The following DAPK1 variants were observed in gnomAD, a reference collection of about 807,000 sequenced individuals.
DAPK1 encodes the protein death-associated protein kinase 1.
A neutral mutation model predicts 144.9 loss-of-function variants in DAPK1; 56 were observed. The ratio of observed to expected loss-of-function variants is 0.39; its 90% CI spans 0.31 to 0.48. The LOEUF (loss-of-function observed/expected upper bound fraction) is 0.48, where lower values mean the gene tolerates loss of function less well. Ranked by LOEUF, DAPK1 falls within the 20% of genes least tolerant of loss-of-function variation. DAPK1 has a pLI of 0.95. For synonymous variants in DAPK1, 690 were observed against 749.0 expected (o/e 0.92, Z 1.29); for missense variants, 1,454 against 1,875.4 (o/e 0.78, Z 4.15).
chr9:87,639,839 A>G lies in DAPK1; in HGVS notation c.629+24A>G, dbSNP rs1395498223. ...CTGTAAGTATCAGAATTCACAACTC[A>G]TACTCTCTTCTCTTCTATGAGACCA... On this transcript the variant is annotated intron_variant, in intron 7 of 25. Transcript: ENST00000408954. The G allele has an allele frequency of 1.9e-6, 3 of 1,611,942 alleles. No individual in the cohort carries two copies. The Admixed American group carries it at 5.0e-5, about 27-fold the overall frequency.
rs756335066 is a variant in DAPK1, at chr9:87,706,106, C to T, written c.3061-26C>T. On this transcript the variant is annotated intron_variant, in intron 25 of 25. Coordinates refer to ENST00000408954, the MANE Select transcript of DAPK1 (RefSeq NM_004938.4). This position sits in a 1 kb window ranked among gnomAD's most constrained non-coding sequence, Gnocchi z 9.0. ...ACCTGGCCAGGGCTCTGTCCCTAAG[C>T]GTGACTTTCTGTTGTCCCCCCGCAG... is the stretch of plus-strand genomic sequence containing the variant. The T allele has an allele frequency of 1.5e-5, 24 of 1,554,144 alleles. No individual in the cohort carries two copies. The highest frequency in any genetic ancestry group is 7.2e-5 in the South Asian group (6 of 82,838).
At chr9:87,682,839 A>G (rs1439522662) in intron 20 of DAPK1, among the ~76,000 whole-genome samples, 1 of 152,140 alleles carries the variant, frequency 6.6e-6, no homozygotes, top group Non-Finnish European at 1.5e-5. Context: ...TCTGAGGCGC[A>G]CAGGTGGCAA....
rs1177014350 is a variant in DAPK1, at chr9:87,708,111, G to A, written c.*747G>A. 1 of 282,392 alleles carries A rather than the reference G, an allele frequency of 3.5e-6. No homozygotes were observed. The highest frequency in any genetic ancestry group is 9.3e-5 in the East Asian group (1 of 10,710). 17.5% of individuals were successfully genotyped at this position (282,392 alleles called of 1,614,324 possible). ...CCTCCAGGGTGATTTTATGATCAGT[G>A]TTGTTGCTCTAGGAAGACATTTTTC... On this transcript the variant is annotated 3_prime_UTR_variant, in exon 26 of 26. Coordinates refer to ENST00000408954, the MANE Select transcript of DAPK1 (RefSeq NM_004938.4).
At chr9:87,578,930 C>T (rs1587735731) in intron 2 of DAPK1, among the ~76,000 whole-genome samples, 1 of 152,282 alleles carries the variant, frequency 6.6e-6, no homozygotes, top group African/African-American at 2.4e-5. Flanking sequence ...TGTATCTGGG[C>T]TTCATCTCTA....
intron 3 of DAPK1, among the ~76,000 whole-genome samples, chr9:87,617,262 T>G (rs1167657814): frequency 6.6e-6 from 1 of 152,210 alleles, no homozygotes; most frequent in Admixed American, 6.5e-5. Flanking sequence ...TTTCCTATTT[T>G]CCACTTCCTT....
chr9:87,702,288 T>C (rs1484783511), intron 24 of DAPK1, among the ~76,000 whole-genome samples: 2 of 152,152 alleles, frequency 1.3e-5, no homozygotes, highest in Admixed American at 1.3e-4. Context: ...GGTATGTGGA[T>C]TACGTGAGTC....
intron 2 of DAPK1, among the ~76,000 whole-genome samples, chr9:87,579,470 G>C (rs1242315895): frequency 6.6e-6 from 1 of 152,154 alleles, no homozygotes; most frequent in Non-Finnish European, 1.5e-5. Flanking sequence ...TCCAGAAGAA[G>C]CTCTGTGCCG....
intron 3 of DAPK1, among the ~76,000 whole-genome samples, chr9:87,630,630 A>G (rs1490562707): frequency 6.6e-6 from 1 of 152,216 alleles, no homozygotes; most frequent in Non-Finnish European, 1.5e-5. Context: ...TTTACTGGCT[A>G]GAAGTAGTCC....
chr9:87,634,899 G>T (rs1304961956), intron 3 of DAPK1, among the ~76,000 whole-genome samples: 2 of 152,164 alleles, frequency 1.3e-5, no homozygotes, highest in Non-Finnish European at 2.9e-5. Flanking sequence ...GCTGCCATGG[G>T]AGGACTTCTG....
At chr9:87,529,983 C>T (rs192921968) in intron 2 of DAPK1, among the ~76,000 whole-genome samples, 2 of 152,266 alleles carry the variant, frequency 1.3e-5, no homozygotes, top group East Asian at 1.9e-4. Flanking sequence ...TTCTCAGAAC[C>T]CCTGCTTCCT....
intron 2 of DAPK1, among the ~76,000 whole-genome samples, chr9:87,502,419 T>C (rs1824436863): frequency 6.6e-6 from 1 of 152,168 alleles, no homozygotes; most frequent in South Asian, 2.1e-4. Context: ...GGAGTTCTTA[T>C]AAATCTGCTA....
intron 2 of DAPK1, among the ~76,000 whole-genome samples, chr9:87,579,773 A>G (rs1378119659): frequency 6.6e-6 from 1 of 152,120 alleles, no homozygotes; most frequent in African/African-American, 2.4e-5. Flanking sequence ...TTTTATTCCA[A>G]AGGTTCCTGA....
chr9:87,622,946 T>G (rs1829355052), intron 3 of DAPK1, among the ~76,000 whole-genome samples: 1 of 152,042 alleles, frequency 6.6e-6, no homozygotes, highest in Non-Finnish European at 1.5e-5. Flanking sequence ...TTTTTAAAAA[T>G]TCCATGTCAA....
intron 3 of DAPK1, among the ~76,000 whole-genome samples, chr9:87,637,729 G>T (rs1397484697): frequency 4.6e-5 from 7 of 152,134 alleles, no homozygotes; most frequent in Non-Finnish European, 1.0e-4. Context: ...CGGAACCTTA[G>T]GAAAATGGTT....
intron 2 of DAPK1, among the ~76,000 whole-genome samples, chr9:87,540,092 T>G (rs1563982456): frequency 6.6e-6 from 1 of 151,292 alleles, no homozygotes; most frequent in African/African-American, 2.4e-5. Context: ...GAAGATATTT[T>G]GAGAGAGAGA....
chr9:87,693,874 A>G (rs1289463526), intron 21 of DAPK1, among the ~76,000 whole-genome samples: 2 of 151,904 alleles, frequency 1.3e-5, no homozygotes, highest in African/African-American at 4.8e-5. Flanking sequence ...GGCTTAGGGT[A>G]TGGTTGTTAG....
At chr9:87,567,747 G>A (rs541568989) in intron 2 of DAPK1, among the ~76,000 whole-genome samples, 3 of 152,144 alleles carry the variant, frequency 2.0e-5, no homozygotes, top group Admixed American at 1.3e-4. Context: ...GATTGCCTCC[G>A]AATGAGTCTG....
At chr9:87,646,976 G>C (rs1282369551) in intron 13 of DAPK1, among the ~76,000 whole-genome samples, 1 of 152,238 alleles carries the variant, frequency 6.6e-6, no homozygotes, top group Non-Finnish European at 1.5e-5. Flanking sequence ...TAACCAGAGA[G>C]GGGAGATGAG....
intron 17 of DAPK1, among the ~76,000 whole-genome samples, chr9:87,654,768 G>C (rs1288519976): frequency 6.6e-6 from 1 of 152,190 alleles, no homozygotes; most frequent in Non-Finnish European, 1.5e-5. Context: ...TCTACTATGT[G>C]TGCAGCATCT....
Sources: allele counts gnomAD v4.1 joint callset (sites outside exome capture counted in the v4.1 genomes callset), GRCh38; gene constraint gnomAD v4.1.1; non-coding constraint Gnocchi (gnomAD v3.1); transcripts MANE v1.5; gene names NCBI Gene and HGNC (gene_info 2026-07-23, HGNC 2026-07-21).